KATNAL2: variants seen among roughly 807,000 people sequenced by gnomAD.
The protein encoded by KATNAL2 is katanin catalytic subunit A1 like 2.
In KATNAL2, 52 loss-of-function variants were observed where a neutral mutation model predicts 76.3. The ratio of observed to expected loss-of-function variants is 0.68; its 90% CI spans 0.55 to 0.86. The LOEUF (loss-of-function observed/expected upper bound fraction) is 0.86. Ranked by LOEUF, KATNAL2 falls within the 40% of genes least tolerant of loss-of-function variation. The pLI, the probability that KATNAL2 is intolerant of heterozygous loss-of-function variation, is 0.00. For missense variants in KATNAL2, 660 were observed against 668.9 expected (o/e 0.99, Z 0.15); for synonymous variants, 243 against 244.2 (o/e 1.00, Z 0.05).
At chr18:47,067,539 G>T (rs1292238671) in intron 11 of KATNAL2, among the ~76,000 whole-genome samples, 2 of 152,110 alleles carry the variant, frequency 1.3e-5, no homozygotes, top group Non-Finnish European at 2.9e-5. Flanking sequence ...CTGGGGCTTT[G>T]CTTCTGGCTG....
chr18:46,921,556 A>G (rs2058546254), intron 1 of KATNAL2, among the ~76,000 whole-genome samples: 1 of 152,202 alleles, frequency 6.6e-6, no homozygotes, highest in African/African-American at 2.4e-5. Flanking sequence ...GACTACACCT[A>G]TCTCAGGATG....
chr18:47,034,112 T>C (rs752050470), intron 3 of KATNAL2: 1 of 1,614,248 alleles, frequency 6.2e-7, no homozygotes, highest in Non-Finnish European at 8.5e-7. Flanking sequence ...GTGAGGTATT[T>C]TTCACATGAC....
At chr18:46,932,722 C>G (rs1362203857) in intron 1 of KATNAL2, among the ~76,000 whole-genome samples, 2 of 144,812 alleles carry the variant, frequency 1.4e-5, no homozygotes, top group Non-Finnish European at 3.0e-5. Context: ...TTTCGCAAGG[C>G]TATTATAACT....
At chr18:47,092,355 C>G (rs555274155) in intron 15 of KATNAL2, among the ~76,000 whole-genome samples, 1 of 152,136 alleles carries the variant, frequency 6.6e-6, no homozygotes, top group African/African-American at 2.4e-5. Context: ...AAAAAATAGC[C>G]CAGCATGGTG....
intron 15 of KATNAL2, among the ~76,000 whole-genome samples, chr18:47,093,664 T>A (rs903710301): frequency 1.3e-5 from 2 of 152,114 alleles, no homozygotes; most frequent in Admixed American, 1.3e-4. Context: ...TAGCTGGGAC[T>A]ACAGGCATAT....
At position 47,035,409 on chromosome 18, in the gene KATNAL2, G is replaced by C. The variant is rs1048475238; in HGVS notation, c.52-11048G>C. On this transcript the variant is annotated intron_variant, in intron 3 of 17. Transcript: ENST00000683218. ...GATGTGGAGTCACAGCCTGGAGCGA[G>C]CTGGGTCCTCGGAGCAGCAGGCCAC... 19 of 1,482,586 alleles carry C rather than the reference G, an allele frequency of 1.3e-5. No individual in the cohort carries two copies. The Admixed American group carries it at 1.4e-4, about 11-fold the overall frequency. 91.8% of individuals were successfully genotyped at this position (1,482,586 alleles called of 1,614,324 possible).
At chr18:47,076,202 CTATAA>C (rs2062213416) in intron 14 of KATNAL2, 2 of 152,260 alleles carry the variant, frequency 1.3e-5, no homozygotes, top group African/African-American at 2.4e-5. Context: ...GGAAGTATAA[CTATAA>C]TATAATTTAT....
intron 3 of KATNAL2, among the ~76,000 whole-genome samples, chr18:47,025,106 C>G (rs1342788210): frequency 2.1e-5 from 2 of 94,682 alleles, no homozygotes; most frequent in Non-Finnish European, 4.2e-5. Context: ...CTCCCCCCCC[C>G]ACCCCGCCCC....
At chr18:47,043,625 T>C (rs2061048855) in intron 3 of KATNAL2, among the ~76,000 whole-genome samples, 1 of 152,116 alleles carries the variant, frequency 6.6e-6, no homozygotes, top group Admixed American at 6.5e-5. Flanking sequence ...CTATTGCAGG[T>C]CTTAGAGTCA....
Position 47,034,721 on chromosome 18 carries a change from C to T in KATNAL2, c.52-11736C>T, listed in dbSNP as rs139896727. 7.4e-6 allele frequency: 12 copies of T among 1,612,864 alleles called. No homozygotes were observed. Among genetic ancestry groups the T allele is most frequent in the East Asian group, 4.5e-5 (2 of 44,856 alleles). ...CCGGGCGCAGCGGGCTCAGGGCCCTCGGGCATCCGGAGGGGAGCTGTGCGC... is the reference window on the plus strand; with the variant it reads ...CCGGGCGCAGCGGGCTCAGGGCCCTTGGGCATCCGGAGGGGAGCTGTGCGC... On this transcript the variant is annotated intron_variant, in intron 3 of 17. Coordinates refer to ENST00000683218, the MANE Select transcript of KATNAL2 (RefSeq NM_001387690.1).
At chr18:46,958,234 G>A (rs1252218308) in intron 3 of KATNAL2, among the ~76,000 whole-genome samples, 2 of 152,014 alleles carry the variant, frequency 1.3e-5, no homozygotes, top group Non-Finnish European at 2.9e-5. Context: ...CTGGTTCGGG[G>A]GCCTTCAGAC....
chr18:46,922,785 G>A (rs909168890), intron 1 of KATNAL2, among the ~76,000 whole-genome samples: 12 of 151,420 alleles, frequency 7.9e-5, no homozygotes, highest in Non-Finnish European at 1.8e-4. Flanking sequence ...CAACAAAAGT[G>A]AAACTCCATC....
At chr18:46,920,646 A>G (rs2058487851) in intron 1 of KATNAL2, among the ~76,000 whole-genome samples, 1 of 152,196 alleles carries the variant, frequency 6.6e-6, no homozygotes, top group Non-Finnish European at 1.5e-5. Flanking sequence ...TTTCTAATCT[A>G]TACTCCCCAA....
At chr18:47,032,419 G>C (rs1293591146) in intron 3 of KATNAL2, among the ~76,000 whole-genome samples, 1 of 152,110 alleles carries the variant, frequency 6.6e-6, no homozygotes, top group East Asian at 1.9e-4. Context: ...GGCTAGTTTT[G>C]ATATCTTTTG....
At chr18:47,086,970 T>C (rs746301433) in intron 15 of KATNAL2, among the ~76,000 whole-genome samples, 1 of 152,244 alleles carries the variant, frequency 6.6e-6, no homozygotes, top group Non-Finnish European at 1.5e-5. Context: ...GAATCATACA[T>C]TTCAAACCAC....
At chr18:47,094,262 C>A (rs2063132992) in intron 15 of KATNAL2, among the ~76,000 whole-genome samples, 1 of 152,158 alleles carries the variant, frequency 6.6e-6, no homozygotes, top group South Asian at 2.1e-4. Context: ...TGGTCTCCCA[C>A]CCTCCAAAAT....
chr18:47,096,141 C>T (rs1216339415), intron 15 of KATNAL2, among the ~76,000 whole-genome samples: 1 of 152,140 alleles, frequency 6.6e-6, no homozygotes, highest in Non-Finnish European at 1.5e-5. Context: ...AAAAGACACA[C>T]TCCTTAAAGA....
In KATNAL2 at chr18:46,946,219, GA is replaced by G; in HGVS notation, c.-340del. On this transcript the variant is annotated 5_prime_UTR_variant, in exon 2 of 18. The change creates a premature stop within an existing upstream ORF in the 5' untranslated region. Transcript: ENST00000683218. ...TGAAGAAACAGACTAGTTAACACATGAAAAAAATAGAGCAGAGGAAAACACG... is the reference window on the plus strand; with the variant it reads ...TGAAGAAACAGACTAGTTAACACATGAAAAAATAGAGCAGAGGAAAACACG... 12 of 1,073,426 alleles carry G rather than the reference GA, an allele frequency of 1.1e-5. No individual in the cohort carries two copies. Among genetic ancestry groups the G allele is most frequent in the South Asian group, 8.1e-5 (3 of 36,892 alleles). The allele number at this position is 1,073,426 out of a possible 1,614,324, so 66.5% of individuals were successfully genotyped here. A position where few individuals can be genotyped will look rare whatever the true frequency, so the allele number is the denominator to read the frequency against.
Position 47,058,339 on chromosome 18 carries a change from A to G in KATNAL2, c.437A>G (p.Glu146Gly). Reference sequence around the variant, plus strand: ...GGGGACACCAAATCGCTCAATAAGGAGCATCCTAATCAGGTCAGGATGGCT... The same window carrying G: ...GGGGACACCAAATCGCTCAATAAGGGGCATCCTAATCAGGTCAGGATGGCT... The part of the protein sequence containing the change: ...KTGDTKSLNK[E>G]HPNQEVVDNT... Residue 146 changes from glutamate (E) to glycine (G), a missense_variant, in exon 7 of 18, where the codon GAG (glutamate) becomes GGG (glycine). Glu to Gly is a moderately conservative substitution (Grantham distance 98). Coordinates refer to ENST00000683218, the MANE Select transcript of KATNAL2 (RefSeq NM_001387690.1). 1 of 1,610,556 alleles carries G rather than the reference A, an allele frequency of 6.2e-7. No homozygotes were observed. Among genetic ancestry groups the G allele is most frequent in the Non-Finnish European group, 8.5e-7 (1 of 1,176,784 alleles).
Sources: allele counts gnomAD v4.1 joint callset (sites outside exome capture counted in the v4.1 genomes callset), GRCh38; gene constraint gnomAD v4.1.1; transcripts MANE v1.5; gene names NCBI Gene and HGNC (gene_info 2026-07-23, HGNC 2026-07-21).